Variants in NPLOC4 observed in about 807,000 individuals in gnomAD.
NPLOC4 encodes the protein NPL4 homolog, ubiquitin recognition factor, also known as nuclear protein localization protein 4 homolog.
A neutral mutation model predicts 80.6 loss-of-function variants in NPLOC4; 18 were observed. The observed-to-expected ratio is 0.22, with a 90% confidence interval of 0.15 to 0.33. The LOEUF is 0.33. NPLOC4 is among the 10% of genes least tolerant of loss of function. The pLI is 1.00. For missense variants in NPLOC4, 540 were observed against 786.1 expected (o/e 0.69, Z 3.74); for synonymous variants, 313 against 301.5 (o/e 1.04, Z -0.39).
In NPLOC4 at chr17:81,619,391, AAAAC is replaced by A. The variant is rs1174336806; in HGVS notation, c.209+2771_209+2774del. 1.1e-4 allele frequency among the ~76,000 whole-genome samples: 16 copies of A among 147,302 alleles called. No homozygotes were observed. The East Asian group carries it at 3.2e-3, about 30-fold the overall frequency. Reference sequence around the variant, plus strand: ...GACTCCGTCTCAAAAAACAAAAACAAAAACAAAATTAGCCGGGCGTGGTGGCACA... The same window carrying A: ...GACTCCGTCTCAAAAAACAAAAACAAAAAATTAGCCGGGCGTGGTGGCACA... On this transcript the variant is annotated intron_variant, in intron 3 of 16. Coordinates refer to ENST00000331134, the MANE Select transcript of NPLOC4 (RefSeq NM_017921.4).
intron 12 of NPLOC4, among the ~76,000 whole-genome samples, chr17:81,581,444 T>G (rs553841231): frequency 6.6e-6 from 1 of 150,510 alleles, no homozygotes; most frequent in South Asian, 2.1e-4. Flanking sequence ...CAATTGTTAC[T>G]TGTCCTCAAG....
At chr17:81,635,596 C>T (rs957263650) in intron 1 of NPLOC4, among the ~76,000 whole-genome samples, 1 of 152,108 alleles carries the variant, frequency 6.6e-6, no homozygotes, top group Non-Finnish European at 1.5e-5. Flanking sequence ...GTGACGCCAC[C>T]TAGGCTCACT....
At chr17:81,593,035 G>C (rs936588927) in intron 11 of NPLOC4, among the ~76,000 whole-genome samples, 2 of 152,046 alleles carry the variant, frequency 1.3e-5, no homozygotes, top group African/African-American at 4.8e-5. Flanking sequence ...GAATAAAATA[G>C]TCATTAAAAC....
intron 12 of NPLOC4, among the ~76,000 whole-genome samples, chr17:81,575,469 A>T (rs1423648179): frequency 6.6e-6 from 1 of 152,250 alleles, no homozygotes; most frequent in Non-Finnish European, 1.5e-5. Context: ...GGATGCACAC[A>T]GAACTGGCAG....
intron 16 of NPLOC4, 150 bp downstream of exon 16, chr17:81,565,355 G>A (rs903559330): frequency 2.7e-5 from 20 of 743,820 alleles, no homozygotes; most frequent in African/African-American, 6.9e-5. Flanking sequence ...CAGGGAGGCC[G>A]AGTCTCTACT....
Position 81,588,968 on chromosome 17 carries a change from C to T in NPLOC4, c.1257G>A (p.Gln419=). The T allele has an allele frequency of 6.2e-7, 1 of 1,613,850 alleles. No individual in the cohort carries two copies. Among genetic ancestry groups the T allele is most frequent in the Non-Finnish European group, 8.5e-7 (1 of 1,179,790 alleles). Residue 419 remains glutamine, a synonymous_variant, in exon 12 of 17, where the codon CAG becomes CAA. Transcript: ENST00000331134. Reference sequence around the variant, plus strand: ...CCTTATAAAACACATCAGGCACGTACTGCTCACTGCTAGACTCCTTGGCGT... The same window carrying T: ...CCTTATAAAACACATCAGGCACGTATTGCTCACTGCTAGACTCCTTGGCGT... The part of the protein sequence containing the change: ...LGYAKESSSE[Q]YVPDVFYKDV...
chr17:81,568,249 A>C (rs62073398), intron 14 of NPLOC4, among the ~76,000 whole-genome samples: 1 of 152,170 alleles, frequency 6.6e-6, no homozygotes, highest in Admixed American at 6.5e-5. Flanking sequence ...CATCTAGGGC[A>C]GCAAGAGGGA....
Position 81,588,946 on chromosome 17 carries a change from T to C in NPLOC4, c.1279A>G (p.Lys427Glu). ...SEQYVPDVFY[K>E]DVDKFGNEIT... ...TCTTTTTCTTACCATACTTTTACCT[T>C]ATAAAACACATCAGGCACGTACTGC... The change falls in exon 12 of 17, where the codon AAG (lysine) becomes GAG (glutamate). Residue 427 changes from lysine to glutamate, a missense_variant and splice_region_variant. This residue lies in a region of NPLOC4 where 251 missense variants were observed against 377.5 expected (regional missense o/e 0.66). Coordinates refer to ENST00000331134, the MANE Select transcript of NPLOC4 (RefSeq NM_017921.4). The C allele has an allele frequency of 6.2e-7, 1 of 1,612,166 alleles. No homozygotes were observed. Among genetic ancestry groups the C allele is most frequent in the Non-Finnish European group, 8.5e-7 (1 of 1,179,056 alleles).
chr17:81,586,602 T>C (rs1254575462), intron 12 of NPLOC4, among the ~76,000 whole-genome samples: 1 of 122,108 alleles, frequency 8.2e-6, no homozygotes, highest in Non-Finnish European at 1.8e-5. Flanking sequence ...AGAGCAAAAC[T>C]GTCTCAAAAA....
In NPLOC4 at chr17:81,619,218, A is replaced by AC. The variant is rs35340912; in HGVS notation, c.209+2947dup. On this transcript the variant is annotated intron_variant, in intron 3 of 16. Coordinates refer to ENST00000331134, the MANE Select transcript of NPLOC4 (RefSeq NM_017921.4). ...TGATCAATTAAAAAAAAAAAAAAAA[A>AC]CACAAAAAATTAGCCGGGCATGTTG... Among the ~76,000 whole-genome samples, 250 of 142,250 alleles carry AC rather than the reference A, an allele frequency of 1.8e-3. 2 individuals carry two copies. Among genetic ancestry groups the AC allele is most frequent in the African/African-American group, 6.3e-3 (242 of 38,446 alleles). 93.3% of individuals were successfully genotyped at this position (142,250 alleles called of 152,430 possible).
chr17:81,629,749 TTC>T lies in NPLOC4; in HGVS notation c.70_71del (p.Glu24AsnfsTer18), dbSNP rs746078041. 1 of 1,613,862 alleles carries T rather than the reference TTC, an allele frequency of 6.2e-7. No individual in the cohort carries two copies. The highest frequency in any genetic ancestry group is 8.5e-7 in the Non-Finnish European group (1 of 1,179,780). ...GVKRITATKR[E>X]TAATFLKKVA... ...CCTTTTTCAAAAATGTTGCTGCTGT[TTC>T]TCTCTTTGTTGCTGTGATCCGCTTC... is the stretch of plus-strand genomic sequence containing the variant. On this transcript the variant is annotated frameshift_variant, in exon 2 of 17. Coordinates refer to ENST00000331134, the MANE Select transcript of NPLOC4 (RefSeq NM_017921.4). LOFTEE classifies it high-confidence loss of function.
chr17:81,582,607 C>G (rs1237398532), intron 12 of NPLOC4, among the ~76,000 whole-genome samples: 1 of 152,178 alleles, frequency 6.6e-6, no homozygotes, highest in East Asian at 1.9e-4. Flanking sequence ...CTTGCTATGT[C>G]ACACAGACTG....
At chr17:81,623,606 G>A (rs1346960678) in intron 2 of NPLOC4, among the ~76,000 whole-genome samples, 1 of 151,608 alleles carries the variant, frequency 6.6e-6, no homozygotes, top group African/African-American at 2.4e-5. Context: ...AGACCATCCT[G>A]GCTAACACGG....
At chr17:81,579,251 G>A (rs2034375501) in intron 12 of NPLOC4, among the ~76,000 whole-genome samples, 1 of 152,208 alleles carries the variant, frequency 6.6e-6, no homozygotes, top group Non-Finnish European at 1.5e-5. Context: ...GGTGGTGGGC[G>A]CCTGTAATCC....
intron 12 of NPLOC4, among the ~76,000 whole-genome samples, chr17:81,585,669 G>A (rs113010177): frequency 2.8e-5 from 4 of 144,976 alleles, no homozygotes; most frequent in African/African-American, 5.2e-5. Context: ...TCTGGGGGGG[G>A]GGGGAAAGAA....
intron 16 of NPLOC4, 177 bp downstream of exon 16, chr17:81,565,328 G>A (rs2033977549): frequency 4.2e-6 from 3 of 706,990 alleles, no homozygotes; most frequent in Non-Finnish European, 7.7e-6. Context: ...CATCACCGGA[G>A]CCTGCCACGT....
In NPLOC4 at chr17:81,559,339, T is replaced by C. The variant is rs780892360; in HGVS notation, c.1747A>G (p.Met583Val). ...GGSTHTATAA[M>V]WACQHCTFMN... ...AACGTGCAGTGCTGACAGGCCCACA[T>C]GGCTGCAGTGGCCGTGTGTGTGGAG... is the stretch of plus-strand genomic sequence containing the variant. Residue 583 changes from methionine to valine, a missense_variant, in exon 17 of 17, where the codon ATG (methionine) becomes GTG (valine). This residue lies in a region of NPLOC4 where 87 missense variants were observed against 70.3 expected (regional missense o/e 1.24). Transcript: ENST00000331134. The C allele has an allele frequency of 1.2e-6, 2 of 1,606,794 alleles. No homozygotes were observed. The highest frequency in any genetic ancestry group is 1.7e-5 in the Admixed American group (1 of 58,846).
chr17:81,598,094 CAAAAA>C (rs71367068), intron 9 of NPLOC4, among the ~76,000 whole-genome samples: 1 of 88,240 alleles, frequency 1.1e-5, no homozygotes, highest in Non-Finnish European at 2.2e-5. Flanking sequence ...GACTCTGTCT[CAAAAA>C]AAAAAAAAAA....
chr17:81,595,254 C>A (rs1478349537), intron 11 of NPLOC4, among the ~76,000 whole-genome samples: 1 of 151,434 alleles, frequency 6.6e-6, no homozygotes, highest in African/African-American at 2.4e-5. Context: ...GCCAACAAGG[C>A]AAAACCCAGT....
Sources: allele counts gnomAD v4.1 joint callset (sites outside exome capture counted in the v4.1 genomes callset), GRCh38; gene constraint gnomAD v4.1.1; regional missense constraint gnomAD v4.1.1; transcripts MANE v1.5; gene names NCBI Gene and HGNC (gene_info 2026-07-23, HGNC 2026-07-21).